The following MMS19 variants were observed in gnomAD, a reference collection of about 807,000 sequenced individuals.
The protein encoded by MMS19 is MMS19 cytosolic iron-sulfur assembly component.
Under a neutral mutation model 129.8 loss-of-function variants are expected in MMS19, and 77 were observed. The observed-to-expected ratio is 0.59, with a 90% confidence interval of 0.49 to 0.72. MMS19 has a LOEUF of 0.72. Ranked by LOEUF, MMS19 falls within the 30% of genes least tolerant of loss-of-function variation. The probability of loss-of-function intolerance (pLI) is 0.00; values close to 1 mark genes in which losing one functional copy is unlikely to be tolerated. For missense variants in MMS19, 1,168 were observed against 1,266.3 expected (o/e 0.92, Z 1.18); for synonymous variants, 491 against 502.8 (o/e 0.98, Z 0.31).
At position 97,468,072 on chromosome 10, in the gene MMS19, G is replaced by A. The variant is rs183618960; in HGVS notation, c.1218+180C>T. 1.9e-3 allele frequency among the ~76,000 whole-genome samples: 285 copies of A among 152,124 alleles called. 1 individual carries two copies. Among genetic ancestry groups the A allele is most frequent in the Non-Finnish European group, 3.2e-3 (220 of 68,004 alleles). The stretch of plus-strand genomic sequence containing the variant: ...TTCAAGCTATCCTCCTGTCTTGGGA[G>A]AATGATCCTTTTATGTATGAGACAG... On this transcript the variant is annotated intron_variant, in intron 13 of 30. Transcript: ENST00000438925.
At chr10:97,485,125 TTTTA>T (rs913196443) in intron 1 of MMS19, among the ~76,000 whole-genome samples, 7 of 151,900 alleles carry the variant, frequency 4.6e-5, no homozygotes, top group East Asian at 3.9e-4. Flanking sequence ...GAAAACTTTA[TTTTA>T]TTTATTTATT....
At chr10:97,483,853 G>A (rs1299193395) in intron 2 of MMS19, among the ~76,000 whole-genome samples, 1 of 152,248 alleles carries the variant, frequency 6.6e-6, no homozygotes, top group East Asian at 1.9e-4. Flanking sequence ...GCCATGGGCT[G>A]TGCCAGGAGT....
chr10:97,496,287 G>A (rs964086433), intron 1 of MMS19, among the ~76,000 whole-genome samples: 1 of 152,126 alleles, frequency 6.6e-6, no homozygotes, highest in Non-Finnish European at 1.5e-5. Flanking sequence ...AAGCTGAGAT[G>A]GGAGGATGGC....
At chr10:97,475,317 T>C (rs2035539637) in intron 8 of MMS19, among the ~76,000 whole-genome samples, 1 of 152,136 alleles carries the variant, frequency 6.6e-6, no homozygotes, top group African/African-American at 2.4e-5. Context: ...TCTGTAAAGA[T>C]ACAAACATAA....
At chr10:97,477,196 C>T (rs2035923310) in intron 6 of MMS19, 151 bp downstream of exon 6, 1 of 1,493,424 alleles carries the variant, frequency 6.7e-7, no homozygotes, top group Admixed American at 2.6e-5. Context: ...CTTTACTTCA[C>T]TGGGAGGGAG....
chr10:97,466,451 C>T (rs2033509911), intron 16 of MMS19, 53 bp downstream of exon 16: 1 of 1,393,582 alleles, frequency 7.2e-7, no homozygotes, highest in South Asian at 1.2e-5. Context: ...TCTTTTGCTG[C>T]CAATACAGAG....
intron 1 of MMS19, among the ~76,000 whole-genome samples, chr10:97,490,274 T>C (rs1275053235): frequency 6.6e-6 from 1 of 151,918 alleles, no homozygotes; most frequent in Non-Finnish European, 1.5e-5. Flanking sequence ...GGGACAGGGT[T>C]TTGCCATGTT....
intron 2 of MMS19, among the ~76,000 whole-genome samples, chr10:97,481,906 G>T (rs1337424285): frequency 6.6e-6 from 1 of 152,172 alleles, no homozygotes; most frequent in Non-Finnish European, 1.5e-5. Context: ...GGTTGGGTGT[G>T]GTGGCTCACA....
At chr10:97,468,675 G>A (rs1230855295) in intron 12 of MMS19, among the ~76,000 whole-genome samples, 2 of 152,132 alleles carry the variant, frequency 1.3e-5, no homozygotes, top group East Asian at 1.9e-4. Context: ...GTGCAGTGGC[G>A]CAATCTCAGC....
chr10:97,498,019 C>G (rs548698392), intron 1 of MMS19, among the ~76,000 whole-genome samples: 1 of 152,348 alleles, frequency 6.6e-6, no homozygotes, highest in East Asian at 1.9e-4. Context: ...CGCTGAGCCT[C>G]AGTTTCCTCA....
intron 22 of MMS19, 53 bp from the exon 23 acceptor site, chr10:97,461,675 G>T: frequency 6.3e-7 from 1 of 1,579,406 alleles, no homozygotes; most frequent in South Asian, 1.2e-5. Flanking sequence ...AACTCCAAGA[G>T]AACCAGTACA....
At chr10:97,477,797 C>T in intron 5 of MMS19, 58 bp downstream of exon 5, 3 of 1,262,882 alleles carry the variant, frequency 2.4e-6, no homozygotes, top group East Asian at 4.9e-5. Context: ...CTATTGAATC[C>T]CAGTTATGTC....
chr10:97,498,210 G>A, intron 1 of MMS19, 63 bp downstream of exon 1: 1 of 1,460,252 alleles, frequency 6.8e-7, no homozygotes, highest in Non-Finnish European at 9.1e-7. Flanking sequence ...CCCGGCGCCT[G>A]TACTGAGGCC....
rs1282343653 is a variant in MMS19 at position 97,459,740 on chromosome 10, A to G, written c.2658T>C (p.Asp886=). 1 of 1,608,278 alleles carries G rather than the reference A, an allele frequency of 6.2e-7. No homozygotes were observed. The highest frequency in any genetic ancestry group is 2.2e-5 in the East Asian group (1 of 44,790). ...GACCCTTCAAGTAGTTTGGCTTCACATCTGTAAAAAATGGAAAGGCTTAGG... is the reference window on the plus strand; with the variant it reads ...GACCCTTCAAGTAGTTTGGCTTCACGTCTGTAAAAAATGGAAAGGCTTAGG... The part of the protein sequence containing the change: ...LVQGFHAAPQ[D]VKPNYLKGLS... The change falls in exon 27 of 31, where the codon GAT becomes GAC. Residue 886 remains aspartate (D), a splice_region_variant and synonymous_variant. Transcript: ENST00000438925.
rs1260577277 is a variant in MMS19 at position 97,469,725 on chromosome 10, T to C, written c.847-2A>G. On this transcript the variant is annotated splice_acceptor_variant, in intron 10 of 30. Coordinates refer to ENST00000438925, the MANE Select transcript of MMS19 (RefSeq NM_022362.5). LOFTEE classifies it high-confidence loss of function. ...TCCATACACAGCACAGCAAGCATTC[T>C]GCCAAGGAAACCGCTGCTATCAGTT... The C allele has an allele frequency of 6.2e-7, 1 of 1,613,820 alleles. No homozygotes were observed. Among genetic ancestry groups the C allele is most frequent in the East Asian group, 2.2e-5 (1 of 44,888 alleles).
intron 13 of MMS19, 49 bp from the exon 14 acceptor site, chr10:97,467,632 T>G: frequency 6.5e-7 from 1 of 1,542,532 alleles, no homozygotes. Flanking sequence ...TTAAAGGATT[T>G]CAATCCTGCT....
Position 97,468,309 on chromosome 10 carries a change from G to T in MMS19, c.1161C>A (p.Asp387Glu). 6.2e-7 allele frequency: 1 copy of T among 1,611,636 alleles called. No homozygotes were observed. Residue 387 changes from aspartate (D) to glutamate (E), a missense_variant, in exon 13 of 31, where the codon GAC becomes GAA. Asp to Glu is a conservative substitution (Grantham distance 45). Around this residue, in one of 3 missense-constraint regions of MMS19, gnomAD observed 831 missense variants for 910.8 expected, o/e 0.91. Transcript: ENST00000438925. ...AAAGASARACDSVTSNVLPLL... is the reference protein window; with the variant it reads ...AAAGASARACESVTSNVLPLL... ...AAGGCAGTACATTGCTGGTGACAGA[G>T]TCACAGGCCCGGGCAGATGCACCTG...
intron 1 of MMS19, among the ~76,000 whole-genome samples, chr10:97,494,007 T>TC (rs2039393278): frequency 6.6e-6 from 1 of 152,002 alleles, no homozygotes; most frequent in Non-Finnish European, 1.5e-5. Flanking sequence ...AGAGCAAAAC[T>TC]CCATCTCAAA....
At chr10:97,464,099 G>A in intron 18 of MMS19, 86 bp from the exon 19 acceptor site, 1 of 1,277,330 alleles carries the variant, frequency 7.8e-7, no homozygotes, top group Non-Finnish European at 1.1e-6. Context: ...GAGGAACAAA[G>A]AAGAGTGACT....
Sources: gnomAD v4.1 joint callset for allele counts (sites outside exome capture counted in the v4.1 genomes callset) on GRCh38, gnomAD v4.1.1 for gene constraint, gnomAD v4.1.1 regional missense constraint, MANE v1.5 for transcripts, NCBI Gene and HGNC (gene_info 2026-07-23, HGNC 2026-07-21) for gene names.